Variants in PRG4 observed in about 807,000 individuals in gnomAD.
The protein encoded by PRG4 is proteoglycan 4.
PRG4 carries 61 observed loss-of-function variants against 91.2 expected under a neutral mutation model. That is an observed-to-expected ratio of 0.67 (90% CI 0.54 to 0.83). The LOEUF (loss-of-function observed/expected upper bound fraction) is 0.83. PRG4 is among the 40% of genes least tolerant of loss of function. The probability of loss-of-function intolerance (pLI) is 0.00; values close to 1 mark genes in which losing one functional copy is unlikely to be tolerated. For missense variants in PRG4, 1,564 were observed against 1,714.2 expected (o/e 0.91, Z 1.55); for synonymous variants, 576 against 614.2 (o/e 0.94, Z 0.92).
chr1:186,309,909 T>G (rs1557962506), intron 8 of PRG4, 39 bp downstream of exon 8: 1 of 1,561,664 alleles, frequency 6.4e-7, no homozygotes, highest in East Asian at 2.2e-5. Context: ...CTCATCATTC[T>G]GTTTTGGCAT....
chr1:186,300,274 C>A lies in PRG4; in HGVS notation c.199+61C>A, dbSNP rs112687433. ...AACACTGCGAGTCTGTGAGTCCCCC[C>A]TTGCACCCTCGTGCAGTGCTGTGAG... is the stretch of plus-strand genomic sequence containing the variant. On this transcript the variant is annotated intron_variant, in intron 3 of 12. Coordinates refer to ENST00000445192, the MANE Select transcript of PRG4 (RefSeq NM_005807.6). The A allele has an allele frequency of 2.3e-4, 374 of 1,608,488 alleles. 1 individual carries two copies. In the African/African-American group the frequency reaches 4.5e-3, roughly 19 times the overall value.
At chr1:186,301,952 T>A (rs1056223490) in intron 4 of PRG4, among the ~76,000 whole-genome samples, 1 of 152,132 alleles carries the variant, frequency 6.6e-6, no homozygotes, top group African/African-American at 2.4e-5. Context: ...AGGGGGAACA[T>A]AGAGGATGAG....
At chr1:186,310,305 C>T (rs954973685) in intron 8 of PRG4, among the ~76,000 whole-genome samples, 2 of 152,120 alleles carry the variant, frequency 1.3e-5, no homozygotes, top group African/African-American at 4.8e-5. Flanking sequence ...AAAGTTATTT[C>T]ATGTTAATTC....
intron 2 of PRG4, among the ~76,000 whole-genome samples, chr1:186,298,736 C>T (rs1027455997): frequency 3.8e-4 from 58 of 152,166 alleles, no homozygotes; most frequent in Non-Finnish European, 7.5e-4. Context: ...ATCCGCCCGC[C>T]TCAGCCTCCC....
intron 4 of PRG4, among the ~76,000 whole-genome samples, chr1:186,301,942 AG>A (rs1355831896): frequency 6.6e-6 from 1 of 152,184 alleles, no homozygotes; most frequent in East Asian, 1.9e-4. Flanking sequence ...ATGTTGCCAG[AG>A]GGGGAACATA....
rs762093653 is a variant in PRG4 at position 186,300,195 on chromosome 1, AAG to A, written c.186_187del (p.Arg62SerfsTer9). 6 of 1,614,026 alleles carry A rather than the reference AAG, an allele frequency of 3.7e-6. No individual in the cohort carries two copies. In the East Asian group the frequency reaches 1.1e-4, roughly 30 times the overall value. On this transcript the variant is annotated frameshift_variant, in exon 3 of 13. Transcript: ENST00000445192. LOFTEE classifies it high-confidence loss of function. ...QHYMECCPDFKRVCTAELSCK... is the reference protein window; with the variant it reads ...QHYMECCPDFXRVCTAELSCK... ...CTACATGGAGTGCTGCCCTGATTTCAAGAGAGTCTGCACTGCGGGTAAGTCCT... is the reference window on the plus strand; with the variant it reads ...CTACATGGAGTGCTGCCCTGATTTCAAGAGTCTGCACTGCGGGTAAGTCCT...
At chr1:186,302,504 A>G (rs1656290788) in intron 4 of PRG4, among the ~76,000 whole-genome samples, 1 of 152,262 alleles carries the variant, frequency 6.6e-6, no homozygotes, top group East Asian at 1.9e-4. Flanking sequence ...TAAAAGTGAA[A>G]ATAAGCTTTG....
rs988746701 is a variant in PRG4 at position 186,308,656 on chromosome 1, T to C, written c.2937T>C (p.Thr979=). 1 of 1,612,106 alleles carries C rather than the reference T, an allele frequency of 6.2e-7. No individual in the cohort carries two copies. Among genetic ancestry groups the C allele is most frequent in the African/African-American group, 1.3e-5 (1 of 74,766 alleles). The change falls in exon 7 of 13, where the codon ACT becomes ACC. Residue 979 remains threonine, a synonymous_variant. Coordinates refer to ENST00000445192, the MANE Select transcript of PRG4 (RefSeq NM_005807.6). ...TPFKITTLKT[T]TLAPKVTTTK... is the part of the protein sequence containing the mutation. The stretch of plus-strand genomic sequence containing the variant: ...TCAAAATTACTACTCTTAAAACAAC[T>C]ACTCTTGCACCCAAAGTAACTACAA...
Position 186,296,697 on chromosome 1 carries a change from A to G in PRG4, c.-30-149A>G, listed in dbSNP as rs553592821. 1.3e-3 allele frequency: 822 copies of G among 610,284 alleles called. 1 individual carries two copies. The highest frequency in any genetic ancestry group is 1.9e-3 in the Non-Finnish European group (658 of 344,112). The allele number at this position is 610,284 out of a possible 1,614,324, so 37.8% of individuals were successfully genotyped here. On this transcript the variant is annotated intron_variant, in intron 1 of 12. Coordinates refer to ENST00000445192, the MANE Select transcript of PRG4 (RefSeq NM_005807.6). The stretch of plus-strand genomic sequence containing the variant: ...AGTCTAATGGCCAAATATTTTCTAT[A>G]AAATTAAAGCTGATTTAAAGTCTTG...
chr1:186,304,316 A>G, intron 5 of PRG4, 59 bp downstream of exon 5: 2 of 1,534,628 alleles, frequency 1.3e-6, no homozygotes, highest in Non-Finnish European at 1.8e-6. Context: ...CTTGTAGGTG[A>G]CTGCTTATCT....
In PRG4 at chr1:186,313,638, T is replaced by C. The variant is rs544556955; in HGVS notation, c.4118-43T>C. ...CATAAGTTATTTTTTAGTTTGGGCA[T>C]TGTTTTCTTTTTAACTAAAAAAATG... On this transcript the variant is annotated intron_variant, in intron 12 of 12. Coordinates refer to ENST00000445192, the MANE Select transcript of PRG4 (RefSeq NM_005807.6). The C allele has an allele frequency of 9.1e-5, 106 of 1,169,972 alleles. 2 individuals are homozygous for C. The South Asian group carries it at 1.2e-3, about 13-fold the overall frequency. 72.5% of individuals were successfully genotyped at this position (1,169,972 alleles called of 1,614,324 possible).
rs748622859 is a variant in PRG4, at chr1:186,307,611, A to G, written c.1892A>G (p.Lys631Arg). 1 of 1,590,308 alleles carries G rather than the reference A, an allele frequency of 6.3e-7. No homozygotes were observed. Among genetic ancestry groups the G allele is most frequent in the South Asian group, 1.1e-5 (1 of 89,796 alleles). Residue 631 changes from lysine (K) to arginine (R), a missense_variant, in exon 7 of 13, where the codon AAG (lysine) becomes AGG (arginine). Lys to Arg is a conservative substitution (Grantham distance 26, BLOSUM62 2). This residue lies in a region of PRG4 where 1,079 missense variants were observed against 1,162.2 expected (regional missense o/e 0.93). Coordinates refer to ENST00000445192, the MANE Select transcript of PRG4 (RefSeq NM_005807.6). ...AAGCTCACGCCCACCACCCCCGAGA[A>G]GCTCGCACCCACCACCCCTGAGAAG... Reference protein sequence around the residue: ...PKKLTPTTPEKLAPTTPEKPA... With the variant: ...PKKLTPTTPERLAPTTPEKPA...
intron 5 of PRG4, 124 bp downstream of exon 5, chr1:186,304,381 C>A (rs1447778397): frequency 2.6e-6 from 3 of 1,174,998 alleles, no homozygotes; most frequent in Non-Finnish European, 3.7e-6. Flanking sequence ...TCATTACACT[C>A]GAAGGTTTTA....
chr1:186,314,253 C>T lies in PRG4; in HGVS notation c.*475C>T. 2 of 476,398 alleles carry T rather than the reference C, an allele frequency of 4.2e-6. No individual in the cohort carries two copies. The highest frequency in any genetic ancestry group is 7.3e-6 in the Non-Finnish European group (2 of 272,508). The allele number at this position is 476,398 out of a possible 1,614,324, so 29.5% of individuals were successfully genotyped here. On this transcript the variant is annotated 3_prime_UTR_variant, in exon 13 of 13. Transcript: ENST00000445192. ...AAAACATGGAAATATTAAAATTTTA[C>T]ACTTTTACTAGCTAAAACATAATCA...
At chr1:186,309,729 A>G in intron 7 of PRG4, 64 bp from the exon 8 acceptor site, 1 of 1,230,706 alleles carries the variant, frequency 8.1e-7, no homozygotes, top group South Asian at 1.2e-5. Context: ...GAAAGACTTG[A>G]AAAGAACATA....
chr1:186,297,382 A>G (rs1454840414), intron 2 of PRG4, among the ~76,000 whole-genome samples: 2 of 152,232 alleles, frequency 1.3e-5, no homozygotes, highest in African/African-American at 2.4e-5. Context: ...CATCATTTAG[A>G]CATAGATACC....
intron 2 of PRG4, among the ~76,000 whole-genome samples, chr1:186,298,721 A>G (rs1209672760): frequency 6.6e-6 from 1 of 152,008 alleles, no homozygotes; most frequent in Non-Finnish European, 1.5e-5. Context: ...ACCTGACCTC[A>G]GGTGATCCGC....
chr1:186,307,839 C>A lies in PRG4; in HGVS notation c.2120C>A (p.Thr707Asn). 1 of 1,611,416 alleles carries A rather than the reference C, an allele frequency of 6.2e-7. No individual in the cohort carries two copies. The highest frequency in any genetic ancestry group is 1.4e-5 in the African/African-American group (1 of 74,006). The change falls in exon 7 of 13, where the codon ACT (threonine) becomes AAT (asparagine). Residue 707 changes from threonine (T) to asparagine (N), a missense_variant. This residue lies in a region of PRG4 where 1,079 missense variants were observed against 1,162.2 expected (regional missense o/e 0.93). Transcript: ENST00000445192. ...APTTPKETAP[T>N]TPKGTAPTTL... is the part of the protein sequence containing the mutation. ...ACTACCCCTAAGGAGACTGCTCCAACTACCCCTAAAGGGACTGCTCCAACT... is the reference window on the plus strand; with the variant it reads ...ACTACCCCTAAGGAGACTGCTCCAAATACCCCTAAAGGGACTGCTCCAACT...
chr1:186,306,874 CACCAAGTCTGCACCCACCACT>C lies in PRG4; in HGVS notation c.1156_1176del (p.Thr386_Thr392del). On this transcript the variant is annotated inframe_deletion, in exon 7 of 13. Transcript: ENST00000445192. ...CCCCCAAGGAGCCTGCACCCACCAC[CACCAAGTCTGCACCCACCACT>C]CCCAAGGAGCCTGCACCCACCACCA... 6.2e-7 allele frequency: 1 copy of C among 1,606,468 alleles called. No homozygotes were observed. The highest frequency in any genetic ancestry group is 8.5e-7 in the Non-Finnish European group (1 of 1,177,442).
Sources: gnomAD v4.1 joint callset for allele counts (sites outside exome capture counted in the v4.1 genomes callset) on GRCh38, gnomAD v4.1.1 for gene constraint, gnomAD v4.1.1 regional missense constraint, MANE v1.5 for transcripts, NCBI Gene and HGNC (gene_info 2026-07-23, HGNC 2026-07-21) for gene names.